Variants in PRKCH observed in about 807,000 individuals in gnomAD.
PRKCH encodes protein kinase C eta.
PRKCH carries 28 observed loss-of-function variants against 82.5 expected under a neutral mutation model. That is an observed-to-expected ratio of 0.34 (90% confidence interval 0.25 to 0.47). PRKCH has a LOEUF of 0.47. Among genes scored for constraint, PRKCH ranks in the 20% least tolerant of loss-of-function variants. The pLI is 1.00. For missense variants in PRKCH, 705 were observed against 881.8 expected (o/e 0.80, Z 2.54); for synonymous variants, 322 against 327.4 (o/e 0.98, Z 0.18).
At chr14:61,207,831 T>C (rs3923605) in intron 1 of PRKCH, among the ~76,000 whole-genome samples, 50,834 of 152,066 alleles carry the variant, frequency 0.33, 9,023 homozygotes, top group African/African-American at 0.44. Context: ...AGAATTCAAA[T>C]TCAGTGGTGA....
At chr14:61,408,701 AC>A (rs1882097096) in intron 2 of PRKCH, among the ~76,000 whole-genome samples, 1 of 152,192 alleles carries the variant, frequency 6.6e-6, no homozygotes, top group African/African-American at 2.4e-5. Context: ...GTTCCCACCC[AC>A]TTGGGAAGGA....
rs1886172428 is a variant in PRKCH at position 61,485,378 on chromosome 14, G to GCA, written c.1279-124_1279-123insCA. On this transcript the variant is annotated intron_variant, in intron 9 of 13. Coordinates refer to ENST00000332981, the MANE Select transcript of PRKCH (RefSeq NM_006255.5). ...CTGCACCCTGACCCATGGTCAGGAT[G>GCA]TTTCCTGGAATACATCCACTTGACA... 2.5e-5 allele frequency: 32 copies of GCA among 1,289,010 alleles called. No individual in the cohort carries two copies. The South Asian group carries it at 4.4e-4, about 18-fold the overall frequency. 79.8% of individuals were successfully genotyped at this position (1,289,010 alleles called of 1,614,324 possible).
chr14:61,514,759 G>A (rs918764038), intron 10 of PRKCH, among the ~76,000 whole-genome samples: 29 of 152,134 alleles, frequency 1.9e-4, no homozygotes, highest in African/African-American at 6.0e-4. Flanking sequence ...AGGGAACCCC[G>A]AAATATAAAG....
At chr14:61,305,432 G>C (rs1388909851) in intron 1 of PRKCH, 1 of 151,442 alleles carries the variant, frequency 6.6e-6, no homozygotes, top group Non-Finnish European at 1.5e-5. Context: ...CCAAAGTGTT[G>C]GGATTACAGG....
At chr14:61,367,700 T>C (rs1205685607) in intron 1 of PRKCH, among the ~76,000 whole-genome samples, 1 of 150,090 alleles carries the variant, frequency 6.7e-6, no homozygotes, top group Non-Finnish European at 1.5e-5. Flanking sequence ...CCCCAGGCTC[T>C]TAATCTGGAG....
intron 7 of PRKCH, among the ~76,000 whole-genome samples, chr14:61,455,242 G>T (rs117172237): frequency 1.3e-5 from 2 of 148,238 alleles, no homozygotes; most frequent in Non-Finnish European, 3.0e-5. Flanking sequence ...GGGTTTCAAC[G>T]TGTTACCCAG....
At position 61,527,285 on chromosome 14, in the gene PRKCH, TC is replaced by T. The variant is rs1164959074; in HGVS notation, c.1434-1789del. On this transcript the variant is annotated intron_variant, in intron 10 of 13. Coordinates refer to ENST00000332981, the MANE Select transcript of PRKCH (RefSeq NM_006255.5). ...TCAACCAGTCTCCATAATCTAGGCT[TC>T]TTGTGCACCTGGGGTACCCACAAAC... Among the ~76,000 whole-genome samples the T allele has an allele frequency of 4.8e-5, 7 of 145,492 alleles. 1 individual carries two copies. The highest frequency in any genetic ancestry group is 4.8e-4 in the Admixed American group (7 of 14,596).
rs144878398 is a variant in PRKCH, at chr14:61,517,359, A to G, written c.1434-11716A>G. On this transcript the variant is annotated intron_variant, in intron 10 of 13. Transcript: ENST00000332981. ...ACGCTGGCAAAGCAAGGACATTGCT[A>G]TTTTCTGACAATCGAATGTCTTCGA... Among the ~76,000 whole-genome samples, 1,432 of 152,294 alleles carry G rather than the reference A, an allele frequency of 9.4e-3. 12 individuals are homozygous for G. The highest frequency in any genetic ancestry group is 0.014 in the Non-Finnish European group (931 of 68,010).
chr14:61,336,904 A>G (rs142702539), intron 1 of PRKCH, among the ~76,000 whole-genome samples: 4,494 of 151,900 alleles, frequency 0.03, 213 homozygotes, highest in African/African-American at 0.1. Context: ...CTCTGTCTCT[A>G]CTAAAAATAC....
chr14:61,477,207 T>C (rs1566904183), intron 9 of PRKCH: 1 of 152,286 alleles, frequency 6.6e-6, no homozygotes, highest in Non-Finnish European at 1.5e-5. Flanking sequence ...GAGCTTGTTA[T>C]TCATGTAGAA....
chr14:61,428,076 T>TAGATAGATAGATAGATAGATACACAC (rs377250538), intron 2 of PRKCH, among the ~76,000 whole-genome samples: 4 of 126,260 alleles, frequency 3.2e-5, no homozygotes, highest in South Asian at 5.6e-4. Context: ...GATAGATAGA[T>TAGATAGATAGATAGATAGATACACAC]ACACACACAC....
chr14:61,490,917 C>CA (rs34153146), intron 10 of PRKCH, among the ~76,000 whole-genome samples: 3 of 151,156 alleles, frequency 2.0e-5, no homozygotes, highest in African/African-American at 4.9e-5. Context: ...GACCCTGTCT[C>CA]AAAAAAACAA....
chr14:61,208,712 G>A (rs1281422705), intron 1 of PRKCH, among the ~76,000 whole-genome samples: 4 of 152,082 alleles, frequency 2.6e-5, no homozygotes, highest in Admixed American at 1.3e-4. Context: ...TTTTAACAAC[G>A]ATTGATAAAG....
intron 1 of PRKCH, among the ~76,000 whole-genome samples, chr14:61,257,631 CCCCA>C (rs1305244002): frequency 4.7e-5 from 2 of 42,196 alleles, no homozygotes; most frequent in African/African-American, 1.7e-4. Flanking sequence ...ACACACACAC[CCCCA>C]CACACACACA....
intron 9 of PRKCH, among the ~76,000 whole-genome samples, chr14:61,462,135 C>T (rs187102470): frequency 2.4e-4 from 37 of 152,236 alleles, no homozygotes; most frequent in Admixed American, 6.5e-4. Context: ...TGAGGCTGGG[C>T]GCAGGCAGCA....
intron 1 of PRKCH, among the ~76,000 whole-genome samples, chr14:61,249,101 C>G (rs1401229396): frequency 1.3e-5 from 2 of 152,118 alleles, no homozygotes; most frequent in Non-Finnish European, 2.9e-5. Context: ...TGTGCCTGGC[C>G]TCGATGGTTC....
intron 1 of PRKCH, among the ~76,000 whole-genome samples, chr14:61,224,609 A>C (rs555051603): frequency 6.6e-6 from 1 of 152,274 alleles, no homozygotes; most frequent in Admixed American, 6.5e-5. Context: ...TCTCATGATG[A>C]GACTGGGGTT....
Position 61,422,486 on chromosome 14 carries a change from C to A in PRKCH, c.428-20625C>A, listed in dbSNP as rs546222517. Among the ~76,000 whole-genome samples the A allele has an allele frequency of 2.3e-3, 348 of 152,264 alleles. 6 individuals carry two copies. The highest frequency in any genetic ancestry group is 6.8e-3 in the Middle Eastern group (2 of 294). ...TGTTCCCCTCATTCTCCCTCTAGTA[C>A]TTTCTAGTATATACCCCGTTCCCCT... On this transcript the variant is annotated intron_variant, in intron 2 of 13. Transcript: ENST00000332981.
At chr14:61,492,208 C>T (rs1364633951) in intron 10 of PRKCH, 2 of 152,228 alleles carry the variant, frequency 1.3e-5, no homozygotes, top group Non-Finnish European at 2.9e-5. Flanking sequence ...GTTCAGTCAG[C>T]TGATGACTTC....
Sources: allele counts gnomAD v4.1 joint callset (sites outside exome capture counted in the v4.1 genomes callset), GRCh38; gene constraint gnomAD v4.1.1; transcripts MANE v1.5; gene names NCBI Gene and HGNC (gene_info 2026-07-23, HGNC 2026-07-21).